The following CPEB3 variants were observed in gnomAD, a reference collection of about 807,000 sequenced individuals.
CPEB3 encodes cytoplasmic polyadenylation element-binding protein 3.
CPEB3 carries 20 observed loss-of-function variants against 67.2 expected under a neutral mutation model. The observed-to-expected ratio is 0.30, with a 90% confidence interval of 0.21 to 0.43. The LOEUF (loss-of-function observed/expected upper bound fraction) is 0.43, where lower values mean the gene tolerates loss of function less well. Ranked by LOEUF, CPEB3 falls within the 20% of genes least tolerant of loss-of-function variation. CPEB3 has a pLI of 1.00. For synonymous variants in CPEB3, 376 were observed against 393.1 expected (o/e 0.96, Z 0.51); for missense variants, 746 against 968.6 (o/e 0.77, Z 3.05).
intron 3 of CPEB3, among the ~76,000 whole-genome samples, chr10:92,189,667 T>G (rs1564849971): frequency 4.6e-5 from 7 of 151,398 alleles, no homozygotes. Context: ...AATAATAACC[T>G]TTGTTACCTC....
intron 6 of CPEB3, among the ~76,000 whole-genome samples, chr10:92,115,437 C>CCCAG (rs1441983879): frequency 6.6e-6 from 1 of 152,236 alleles, no homozygotes; most frequent in African/African-American, 2.4e-5. Flanking sequence ...CAGGCGTAAG[C>CCCAG]CACTGCACCT....
intron 1 of CPEB3, among the ~76,000 whole-genome samples, chr10:92,247,380 A>ATTATT (rs965825488): frequency 4.0e-5 from 6 of 151,584 alleles, no homozygotes; most frequent in African/African-American, 7.3e-5. Flanking sequence ...ACCAAGCCTA[A>ATTATT]TTATTTTATT....
intron 2 of CPEB3, among the ~76,000 whole-genome samples, chr10:92,226,855 G>A (rs574063351): frequency 6.6e-6 from 1 of 151,816 alleles, no homozygotes; most frequent in Admixed American, 6.6e-5. Context: ...GTGGGGGTGG[G>A]GGCCTGGAAG....
intron 7 of CPEB3, among the ~76,000 whole-genome samples, chr10:92,109,449 T>C (rs922073646): frequency 2.6e-5 from 4 of 152,122 alleles, no homozygotes; most frequent in Admixed American, 2.0e-4. Flanking sequence ...AGAAGGGGTT[T>C]CACCGTGTTA....
intron 1 of CPEB3, among the ~76,000 whole-genome samples, chr10:92,252,663 G>T (rs1852348702): frequency 6.6e-6 from 1 of 151,748 alleles, no homozygotes; most frequent in Admixed American, 6.6e-5. Flanking sequence ...GACTACAGGT[G>T]CCTGCCACCA....
chr10:92,253,478 A>G (rs1336015646), intron 1 of CPEB3, among the ~76,000 whole-genome samples: 1 of 151,110 alleles, frequency 6.6e-6, no homozygotes, highest in South Asian at 2.1e-4. Flanking sequence ...AAAAAAAAAA[A>G]AAAAAAGAAA....
chr10:92,150,797 G>A (rs918068321), intron 4 of CPEB3, among the ~76,000 whole-genome samples: 31 of 151,856 alleles, frequency 2.0e-4, no homozygotes, highest in African/African-American at 6.8e-4. Flanking sequence ...AATGTGTTAA[G>A]CAAGCCACAT....
chr10:92,107,509 G>T (rs1179679697), intron 7 of CPEB3, among the ~76,000 whole-genome samples: 1 of 152,140 alleles, frequency 6.6e-6, no homozygotes, highest in Non-Finnish European at 1.5e-5. Flanking sequence ...ATCTCTGCTA[G>T]ACCTTCTAGG....
rs1847819884 is a variant in CPEB3, at chr10:92,167,898, G to A, written c.1222+13065C>T. ...ACTCCAGCCTGGGCAGGCAGAGTGAGACTCTGTCTCAAAAAAAATAAAATA... is the reference window on the plus strand; with the variant it reads ...ACTCCAGCCTGGGCAGGCAGAGTGAAACTCTGTCTCAAAAAAAATAAAATA... On this transcript the variant is annotated intron_variant, in intron 4 of 9. Coordinates refer to ENST00000265997, the MANE Select transcript of CPEB3 (RefSeq NM_014912.5). 5.9e-5 allele frequency among the ~76,000 whole-genome samples: 9 copies of A among 151,642 alleles called. No homozygotes were observed. In the South Asian group the frequency reaches 1.9e-3, roughly 31 times the overall value.
chr10:92,222,095 C>A (rs1850730421), intron 2 of CPEB3, among the ~76,000 whole-genome samples: 1 of 152,118 alleles, frequency 6.6e-6, no homozygotes, highest in African/African-American at 2.4e-5. Flanking sequence ...AAAATATCCA[C>A]AGCACATTCA....
At chr10:92,149,717 A>G (rs942776395) in intron 4 of CPEB3, among the ~76,000 whole-genome samples, 8 of 152,218 alleles carry the variant, frequency 5.3e-5, no homozygotes, top group Non-Finnish European at 8.8e-5. Flanking sequence ...GCTAAGAACT[A>G]ACACATAAAT....
At chr10:92,088,027 C>T (rs1843446106) in intron 8 of CPEB3, among the ~76,000 whole-genome samples, 1 of 152,100 alleles carries the variant, frequency 6.6e-6, no homozygotes, top group Admixed American at 6.5e-5. Flanking sequence ...CAGGAGACTT[C>T]AGGCAAACCA....
At chr10:92,244,892 A>T (rs151086443) in intron 1 of CPEB3, among the ~76,000 whole-genome samples, 2 of 152,186 alleles carry the variant, frequency 1.3e-5, no homozygotes, top group Non-Finnish European at 2.9e-5. Context: ...TAGGCAGAAG[A>T]TATTTCTTGT....
intron 8 of CPEB3, among the ~76,000 whole-genome samples, chr10:92,090,019 G>C (rs1362541198): frequency 6.6e-6 from 1 of 152,132 alleles, no homozygotes; most frequent in Non-Finnish European, 1.5e-5. Flanking sequence ...AGGATTTACA[G>C]AAGAAAAATG....
intron 2 of CPEB3, among the ~76,000 whole-genome samples, chr10:92,215,096 C>T (rs1022492935): frequency 6.6e-6 from 1 of 151,806 alleles, no homozygotes; most frequent in African/African-American, 2.4e-5. Context: ...GATCCACCCA[C>T]CTTGGCCACC....
chr10:92,239,871 G>C lies in CPEB3; in HGVS notation c.480C>G (p.Thr160=). 6.3e-7 allele frequency: 1 copy of C among 1,594,092 alleles called. No individual in the cohort carries two copies. Among genetic ancestry groups the C allele is most frequent in the Non-Finnish European group, 8.5e-7 (1 of 1,170,758 alleles). Residue 160 remains threonine (T), a synonymous_variant, in exon 2 of 10, where the codon ACC becomes ACG. Transcript: ENST00000265997. The surrounding 1 kb of genome is among the most constrained non-coding windows in gnomAD (Gnocchi z 6.0). ...TFSPQIGLAQ[T]QHHQQPPPPA... is the part of the protein sequence containing the mutation. ...GCGGCGGCGGCTGCTGGTGGTGCTG[G>C]GTCTGCGCCAGGCCGATCTGCGGGG...
At chr10:92,143,262 T>A in intron 5 of CPEB3, 144 bp from the exon 6 acceptor site, 1 of 552,778 alleles carries the variant, frequency 1.8e-6, no homozygotes, top group Non-Finnish European at 3.2e-6. Context: ...TGAAACCTAC[T>A]AAGTGAAATA....
intron 2 of CPEB3, among the ~76,000 whole-genome samples, chr10:92,203,891 A>G (rs968767167): frequency 2.6e-5 from 4 of 152,224 alleles, no homozygotes; most frequent in African/African-American, 9.6e-5. Context: ...AACTAATGCC[A>G]TCTATCATCA....
At chr10:92,178,521 A>G (rs1808049628) in intron 4 of CPEB3, among the ~76,000 whole-genome samples, 1 of 152,110 alleles carries the variant, frequency 6.6e-6, no homozygotes, top group Non-Finnish European at 1.5e-5. Context: ...TCACGGACAA[A>G]AAGTGTTAGG....
Sources: allele counts gnomAD v4.1 joint callset (sites outside exome capture counted in the v4.1 genomes callset), GRCh38; gene constraint gnomAD v4.1.1; non-coding constraint Gnocchi (gnomAD v3.1); transcripts MANE v1.5; gene names NCBI Gene and HGNC (gene_info 2026-07-23, HGNC 2026-07-21).